The following PHKB variants were observed in gnomAD, a reference collection of about 807,000 sequenced individuals.
PHKB encodes the protein phosphorylase kinase regulatory subunit beta, also known as phosphorylase b kinase regulatory subunit beta.
PHKB carries 122 observed loss-of-function variants against 152.1 expected under a neutral mutation model. That is an observed-to-expected ratio of 0.80 (90% CI 0.69 to 0.93). The LOEUF is 0.93. Among genes scored for constraint, PHKB ranks in the 40% least tolerant of loss-of-function variants. PHKB has a pLI of 0.00. For missense variants in PHKB, 1,304 were observed against 1,328.4 expected (o/e 0.98, Z 0.29); for synonymous variants, 436 against 464.9 (o/e 0.94, Z 0.80).
chr16:47,588,912 A>G lies in PHKB; in HGVS notation c.878A>G (p.Asp293Gly). 1 of 1,613,668 alleles carries G rather than the reference A, an allele frequency of 6.2e-7. No homozygotes were observed. Among genetic ancestry groups the G allele is most frequent in the Non-Finnish European group, 8.5e-7 (1 of 1,179,686 alleles). Residue 293 changes from aspartate to glycine, a missense_variant, in exon 10 of 31, where the codon GAT becomes GGT. Transcript: ENST00000323584. ...LPRESRSHNT[D>G]AALLPCISYP... ...CTTTCTCATTGCCTCCAGAATACAG[A>G]TGCTGCCCTGCTCCCCTGCATCAGT...
At chr16:47,554,035 G>C (rs996483014) in intron 7 of PHKB, among the ~76,000 whole-genome samples, 1 of 152,166 alleles carries the variant, frequency 6.6e-6, no homozygotes, top group African/African-American at 2.4e-5. Context: ...CACCTGAGGA[G>C]GCAGTCTGAC....
chr16:47,495,816 A>G (rs1171852879), intron 1 of PHKB, among the ~76,000 whole-genome samples: 1 of 152,144 alleles, frequency 6.6e-6, no homozygotes, highest in African/African-American at 2.4e-5. Context: ...GATGTTCTGT[A>G]TGTTGATAGG....
At chr16:47,693,169 T>C (rs1974091540) in intron 27 of PHKB, among the ~76,000 whole-genome samples, 1 of 152,222 alleles carries the variant, frequency 6.6e-6, no homozygotes, top group Non-Finnish European at 1.5e-5. Flanking sequence ...TTAAATTTTT[T>C]AGAATCTTGG....
At chr16:47,587,861 T>G (rs1971961428) in intron 9 of PHKB, 98 bp downstream of exon 9, 3 of 940,508 alleles carry the variant, frequency 3.2e-6, no homozygotes, top group South Asian at 2.8e-5. Context: ...AAAATGTTAG[T>G]GATCGTCCAG....
intron 20 of PHKB, among the ~76,000 whole-genome samples, chr16:47,654,938 A>G (rs1973308455): frequency 6.6e-6 from 1 of 152,146 alleles, no homozygotes; most frequent in South Asian, 2.1e-4. Flanking sequence ...TGTACCCCAA[A>G]AACTTAAAAT....
intron 26 of PHKB, among the ~76,000 whole-genome samples, chr16:47,684,405 C>G (rs577481591): frequency 6.6e-6 from 1 of 152,242 alleles, no homozygotes; most frequent in South Asian, 2.1e-4. Context: ...ATATTGTACT[C>G]CTTAATTGGG....
At chr16:47,564,947 G>A (rs192057328) in intron 7 of PHKB, 252 of 252,020 alleles carry the variant, frequency 1.0e-3, no homozygotes, top group African/African-American at 5.4e-3. Context: ...CTGTTCCATT[G>A]GTCTGTGTGT....
At chr16:47,533,977 G>A (rs1271644514) in intron 6 of PHKB, among the ~76,000 whole-genome samples, 1 of 152,216 alleles carries the variant, frequency 6.6e-6, no homozygotes, top group Non-Finnish European at 1.5e-5. Context: ...CTGCACCCAG[G>A]ATGGTGGGGC....
chr16:47,611,950 T>C (rs1379046695), intron 14 of PHKB, among the ~76,000 whole-genome samples: 1 of 152,208 alleles, frequency 6.6e-6, no homozygotes, highest in Admixed American at 6.5e-5. Context: ...TTGGCCTTTA[T>C]CTTAGTTACC....
At chr16:47,475,934 C>T (rs1969860438) in intron 1 of PHKB, among the ~76,000 whole-genome samples, 1 of 152,176 alleles carries the variant, frequency 6.6e-6, no homozygotes, top group Admixed American at 6.5e-5. Context: ...GTCGTGCAGT[C>T]ATAGCTCATT....
In PHKB at chr16:47,519,326, A is replaced by G. The variant is rs529468264; in HGVS notation, c.594+3725A>G. ...AACAAACTACCTCAGAACTTAGTTT[A>G]AAAGATTAAACATTTATTATTTCAC... On this transcript the variant is annotated intron_variant, in intron 6 of 30. Transcript: ENST00000323584. Among the ~76,000 whole-genome samples, 4 of 152,356 alleles carry G rather than the reference A, an allele frequency of 2.6e-5. No homozygotes were observed. The South Asian group carries it at 8.3e-4, about 32-fold the overall frequency.
intron 13 of PHKB, among the ~76,000 whole-genome samples, chr16:47,597,327 C>T (rs560941400): frequency 1.3e-3 from 200 of 152,054 alleles, no homozygotes; most frequent in African/African-American, 4.3e-3. Flanking sequence ...AAATTTGTGC[C>T]GTAAGAGTAA....
At chr16:47,611,137 T>C (rs1355122549) in intron 14 of PHKB, among the ~76,000 whole-genome samples, 1 of 152,202 alleles carries the variant, frequency 6.6e-6, no homozygotes, top group Middle Eastern at 3.2e-3. Context: ...CAGGTAAACA[T>C]TTCCATCTTC....
intron 26 of PHKB, among the ~76,000 whole-genome samples, chr16:47,683,376 G>T (rs1358703812): frequency 1.3e-5 from 2 of 152,206 alleles, no homozygotes; most frequent in African/African-American, 4.8e-5. Flanking sequence ...AGCCTACAGA[G>T]GCAGGCAGGC....
chr16:47,478,098 T>C (rs1199344696), intron 1 of PHKB, among the ~76,000 whole-genome samples: 1 of 152,180 alleles, frequency 6.6e-6, no homozygotes, highest in Non-Finnish European at 1.5e-5. Context: ...GTCTTGAACA[T>C]AGTGCTAAAT....
intron 7 of PHKB, among the ~76,000 whole-genome samples, chr16:47,564,584 T>C (rs1971533459): frequency 1.3e-5 from 2 of 152,282 alleles, no homozygotes; most frequent in South Asian, 4.1e-4. Context: ...TGTAGTGGGA[T>C]TGCTGGATCC....
At chr16:47,497,356 G>C (rs1489952985) in intron 1 of PHKB, 43 bp from the exon 2 acceptor site, 2 of 1,211,672 alleles carry the variant, frequency 1.7e-6, no homozygotes, top group Non-Finnish European at 2.4e-6. Context: ...GTTTATCTTT[G>C]TGAAAATGAC....
intron 13 of PHKB, among the ~76,000 whole-genome samples, chr16:47,601,816 T>C (rs555484719): frequency 6.6e-6 from 1 of 152,334 alleles, no homozygotes; most frequent in Admixed American, 6.5e-5. Context: ...ATTCAGGTAC[T>C]ACTACATTAT....
intron 13 of PHKB, among the ~76,000 whole-genome samples, chr16:47,609,845 T>C (rs185952315): frequency 3.4e-4 from 52 of 152,340 alleles, no homozygotes; most frequent in African/African-American, 9.9e-4. Flanking sequence ...GCAAGTTTTA[T>C]TGAGCTTTTT....
Sources: gnomAD v4.1 joint callset for allele counts (sites outside exome capture counted in the v4.1 genomes callset) on GRCh38, gnomAD v4.1.1 for gene constraint, MANE v1.5 for transcripts, NCBI Gene and HGNC (gene_info 2026-07-23, HGNC 2026-07-21) for gene names.